FANCD2: variants seen among roughly 807,000 people sequenced by gnomAD.
FANCD2 encodes FA complementation group D2, also known as Fanconi anemia group D2 protein.
In FANCD2, 131 loss-of-function variants were observed where a neutral mutation model predicts 192.3. The observed-to-expected ratio is 0.68, with a 90% confidence interval of 0.59 to 0.79. The LOEUF is 0.79. Among genes scored for constraint, FANCD2 ranks in the 30% least tolerant of loss-of-function variants. FANCD2 has a pLI of 0.00. For missense variants in FANCD2, 1,508 were observed against 1,701.6 expected (o/e 0.89, Z 2.00); for synonymous variants, 524 against 612.5 (o/e 0.86, Z 2.13).
At chr3:10,093,791 G>A (rs547890112) in intron 39 of FANCD2, among the ~76,000 whole-genome samples, 8 of 152,110 alleles carry the variant, frequency 5.3e-5, no homozygotes, top group South Asian at 2.1e-4. Flanking sequence ...ATGCTACTTC[G>A]CCACTCCTCA....
intron 26 of FANCD2, among the ~76,000 whole-genome samples, chr3:10,070,580 G>A (rs1484153508): frequency 1.4e-5 from 2 of 145,904 alleles, no homozygotes; most frequent in Admixed American, 6.8e-5. Flanking sequence ...CGCCCCTACT[G>A]GGAAGTGAGG....
rs1553616151 is a variant in FANCD2, at chr3:10,101,402, T to TTA, written c.*140_*141insTA. On this transcript the variant is annotated 3_prime_UTR_variant, in exon 44 of 44. Coordinates refer to ENST00000675286, the MANE Select transcript of FANCD2 (RefSeq NM_001018115.3). Reference sequence around the variant, plus strand: ...CTTTTTTTTTTTTTTTTTTTTTTTTTAAAGACGGGGACTCGCTGTGTTTCC... The same window carrying TTA: ...CTTTTTTTTTTTTTTTTTTTTTTTTTTAAAAGACGGGGACTCGCTGTGTTTCC... The TTA allele has an allele frequency of 4.1e-4, 224 of 541,328 alleles. No homozygotes were observed. The highest frequency in any genetic ancestry group is 7.9e-4 in the Middle Eastern group (2 of 2,530). The allele number at this position is 541,328 out of a possible 1,614,324, so 33.5% of individuals were successfully genotyped here. A position where few individuals can be genotyped will look rare whatever the true frequency, so the allele number is the denominator to read the frequency against.
At chr3:10,085,712 T>A in intron 32 of FANCD2, 100 bp from the exon 33 acceptor site, 1 of 838,232 alleles carries the variant, frequency 1.2e-6, no homozygotes, top group Non-Finnish European at 2.1e-6. Context: ...TTTCAAACCG[T>A]TAAACTATTG....
chr3:10,072,539 A>G (rs1440946276), intron 26 of FANCD2, among the ~76,000 whole-genome samples: 1 of 152,200 alleles, frequency 6.6e-6, no homozygotes, highest in Non-Finnish European at 1.5e-5. Flanking sequence ...TTGACCTCCC[A>G]AAGTGCTTGG....
At chr3:10,088,566 T>C (rs748781422) in intron 35 of FANCD2, 24 bp downstream of exon 35, 2 of 1,478,142 alleles carry the variant, frequency 1.4e-6, no homozygotes, top group East Asian at 4.5e-5. Flanking sequence ...TTTCTTCCAA[T>C]GAGCCAAATA....
chr3:10,032,574 T>C (rs2124970144), intron 2 of FANCD2, among the ~76,000 whole-genome samples: 1 of 152,282 alleles, frequency 6.6e-6, no homozygotes, highest in Admixed American at 6.5e-5. Context: ...CCTAATTTGC[T>C]GGGATTACCA....
At chr3:10,044,545 C>A (rs984317981) in intron 14 of FANCD2, among the ~76,000 whole-genome samples, 1 of 152,036 alleles carries the variant, frequency 6.6e-6, no homozygotes, top group African/African-American at 2.4e-5. Flanking sequence ...GTGGCACACG[C>A]CACTGCACTC....
chr3:10,062,982 T>G (rs548259902), intron 20 of FANCD2, among the ~76,000 whole-genome samples: 1 of 152,324 alleles, frequency 6.6e-6, no homozygotes, highest in African/African-American at 2.4e-5. Flanking sequence ...ATTACAGATG[T>G]GAGCCACCAC....
Position 10,092,099 on chromosome 3 carries a change from C to T in FANCD2, c.3778-82C>T, listed in dbSNP as rs1384017961. On this transcript the variant is annotated intron_variant, in intron 37 of 43. Coordinates refer to ENST00000675286, the MANE Select transcript of FANCD2 (RefSeq NM_001018115.3). ...TAAATATCTGTATAGCTATGTAATT[C>T]AAGAACTATATCTTAGTGGGAATAC... is the stretch of plus-strand genomic sequence containing the variant. The T allele has an allele frequency of 9.1e-6, 9 of 989,074 alleles. No homozygotes were observed. In the East Asian group the frequency reaches 2.1e-4, roughly 23 times the overall value. 61.3% of individuals were successfully genotyped at this position (989,074 alleles called of 1,614,324 possible). A position where few individuals can be genotyped will look rare whatever the true frequency, so the allele number is the denominator to read the frequency against.
At chr3:10,054,385 A>G (rs1208722499) in intron 18 of FANCD2, among the ~76,000 whole-genome samples, 4 of 116,722 alleles carry the variant, frequency 3.4e-5, no homozygotes, top group Admixed American at 1.8e-4. Flanking sequence ...ATACATATAT[A>G]TATGTATATA....
At chr3:10,058,016 C>A in intron 18 of FANCD2, 2 of 453,488 alleles carry the variant, frequency 4.4e-6, no homozygotes, top group Non-Finnish European at 8.5e-6. Context: ...CAAGTTTGCC[C>A]TTTCTGCCTT....
chr3:10,030,812 A>G (rs1433141149), intron 2 of FANCD2, among the ~76,000 whole-genome samples: 2 of 152,064 alleles, frequency 1.3e-5, no homozygotes, highest in African/African-American at 4.8e-5. Flanking sequence ...AGGCAGGGGA[A>G]TTGCTTGAAC....
In FANCD2 at chr3:10,085,843, T is replaced by G. The variant is rs1309107343; in HGVS notation, c.3256T>G (p.Leu1086Val). 2.5e-6 allele frequency: 4 copies of G among 1,613,656 alleles called. No individual in the cohort carries two copies. The highest frequency in any genetic ancestry group is 1.3e-5 in the African/African-American group (1 of 74,904). ...ATTTTCTCAACCTGAAAATCAGAAT[T>G]TACTGTATTCAGCCCTCCATGTCCT... ...SGFSQPENQN[L>V]LYSALHVLSS... Residue 1086 changes from leucine to valine, a missense_variant, in exon 33 of 44, where the codon TTA (leucine) becomes GTA (valine). Physicochemically the swap from Leu to Val is conservative, Grantham distance 32 (BLOSUM62 1). Around this residue, in one of 5 missense-constraint regions of FANCD2, gnomAD observed 796 missense variants for 879.4 expected, o/e 0.91. Coordinates refer to ENST00000675286, the MANE Select transcript of FANCD2 (RefSeq NM_001018115.3).
chr3:10,042,410 GA>G (rs2086888310), intron 10 of FANCD2, 148 bp from the exon 11 acceptor site: 1 of 689,216 alleles, frequency 1.5e-6, no homozygotes, highest in Non-Finnish European at 2.6e-6. Flanking sequence ...CTAATTTGGG[GA>G]AAAATCTAAA....
intron 25 of FANCD2, among the ~76,000 whole-genome samples, chr3:10,066,804 A>C (rs1359915428): frequency 6.6e-6 from 1 of 152,120 alleles, no homozygotes; most frequent in East Asian, 1.9e-4. Flanking sequence ...GGCTCACTGC[A>C]ACCTCCGCCT....
intron 34 of FANCD2, among the ~76,000 whole-genome samples, chr3:10,087,573 A>T (rs573085418): frequency 1.3e-5 from 2 of 152,292 alleles, no homozygotes; most frequent in East Asian, 1.9e-4. Context: ...CGAGACATAA[A>T]TCATGAGGTT....
At chr3:10,044,905 TC>T (rs1292877419) in intron 14 of FANCD2, among the ~76,000 whole-genome samples, 1 of 152,212 alleles carries the variant, frequency 6.6e-6, no homozygotes, top group Non-Finnish European at 1.5e-5. Flanking sequence ...TACTTTTTTT[TC>T]TTAACATTTT....
chr3:10,078,348 C>CTGTA, intron 30 of FANCD2, 151 bp downstream of exon 30: 6 of 644,954 alleles, frequency 9.3e-6, no homozygotes, highest in Non-Finnish European at 1.4e-5. Context: ...ATTCATCTTG[C>CTGTA]TTTATTTATT....
Position 10,101,452 on chromosome 3 carries a change from C to A in FANCD2, c.*190C>A, listed in dbSNP as rs185866952. The A allele has an allele frequency of 1.3e-5, 7 of 526,384 alleles. No individual in the cohort carries two copies. In the East Asian group the frequency reaches 1.9e-4, roughly 14 times the overall value. The allele number at this position is 526,384 out of a possible 1,614,324, so 32.6% of individuals were successfully genotyped here. ...CCAGGCTGGAGTGCAGTGCTGCAAT[C>A]TTGGCTCACTGCAACCTCCATCTCC... On this transcript the variant is annotated 3_prime_UTR_variant, in exon 44 of 44. Coordinates refer to ENST00000675286, the MANE Select transcript of FANCD2 (RefSeq NM_001018115.3).
Sources: gnomAD v4.1 joint callset for allele counts (sites outside exome capture counted in the v4.1 genomes callset) on GRCh38, gnomAD v4.1.1 for gene constraint, gnomAD v4.1.1 regional missense constraint, MANE v1.5 for transcripts, NCBI Gene and HGNC (gene_info 2026-07-23, HGNC 2026-07-21) for gene names.